The following HUWE1 variants were observed in gnomAD, a reference collection of about 807,000 sequenced individuals.
HUWE1 encodes E3 ubiquitin-protein ligase HUWE1.
A neutral mutation model predicts 299.4 loss-of-function variants in HUWE1; 18 were observed. The observed-to-expected ratio is 0.06, with a 90% confidence interval of 0.04 to 0.09. HUWE1 has a LOEUF of 0.09. Among genes scored for constraint, HUWE1 ranks in the 10% least tolerant of loss-of-function variants. HUWE1 has a pLI of 1.00. For missense variants in HUWE1, 1,832 were observed against 3,462.3 expected (o/e 0.53, Z 11.82); for synonymous variants, 1,317 against 1,286.1 (o/e 1.02, Z -0.51).
At chrX:53,617,191 T>C in intron 20 of HUWE1, 44 bp from the exon 21 acceptor site, 1 of 1,145,045 alleles carries the variant, frequency 8.7e-7, no homozygotes, top group African/African-American at 1.8e-5. Context: ...TAAAAGAGTG[T>C]AGATGCTAGG....
At chrX:53,648,005 T>C (rs2068174766) in intron 5 of HUWE1, among the ~76,000 whole-genome samples, 1 of 112,533 alleles carries the variant, frequency 8.9e-6, no homozygotes, top group Non-Finnish European at 1.9e-5. Context: ...TTCTTAAGCA[T>C]CACCTGTGAA....
intron 79 of HUWE1, 36 bp from the exon 80 acceptor site, chrX:53,536,288 GAGTGGGGGGGA>G (rs2061060459): frequency 8.8e-7 from 1 of 1,141,476 alleles, no homozygotes; most frequent in Non-Finnish European, 1.2e-6. Context: ...CATGGTTTGC[GAGTGGGGGGGA>G]AGAAGGAGCA....
At chrX:53,585,308 A>C (rs1442759190) in intron 39 of HUWE1, 120 bp from the exon 40 acceptor site, 3 of 708,003 alleles carry the variant, frequency 4.2e-6, no homozygotes, top group African/African-American at 4.3e-5. Flanking sequence ...CTGGACAATA[A>C]ATTTTAAAAA....
At chrX:53,577,644 G>GCC (rs1556960451) in intron 43 of HUWE1, among the ~76,000 whole-genome samples, 1 of 112,541 alleles carries the variant, frequency 8.9e-6, no homozygotes, top group Non-Finnish European at 1.9e-5. Context: ...TCAGCCTGCC[G>GCC]AGTGCCTGCG....
At chrX:53,679,944 G>A (rs1371630770) in intron 3 of HUWE1, 105 bp downstream of exon 3, 2 of 291,551 alleles carry the variant, frequency 6.9e-6, no homozygotes, top group African/African-American at 2.8e-5. Context: ...GAGAATGGAA[G>A]AAACCAAAGT....
Position 53,672,264 on chromosome X carries a change from CTTTT to C in HUWE1, c.-25+7781_-25+7784del, listed in dbSNP as rs374683676. 6.8e-3 allele frequency among the ~76,000 whole-genome samples: 657 copies of C among 96,728 alleles called. 7 individuals carry two copies. Among genetic ancestry groups the C allele is most frequent in the Middle Eastern group, 0.021 (4 of 195 alleles). 84.0% of individuals were successfully genotyped at this position (96,728 alleles called of 115,157 possible). A position where few individuals can be genotyped will look rare whatever the true frequency, so the allele number is the denominator to read the frequency against. ...TATTGTGGTTTTGTAGATGTCCTTA[CTTTT>C]TTTTTTTTTTTTGAGACAGAGTCTC... On this transcript the variant is annotated intron_variant, in intron 3 of 83. Coordinates refer to ENST00000262854, the MANE Select transcript of HUWE1 (RefSeq NM_031407.7).
intron 77 of HUWE1, 78 bp from the exon 78 acceptor site, chrX:53,537,774 C>T (rs1466039743): frequency 1.0e-6 from 1 of 963,898 alleles, no homozygotes; most frequent in Non-Finnish European, 1.4e-6. Flanking sequence ...GAAGAAGACC[C>T]ACAATGATGC....
chrX:53,638,025 C>G (rs2067327371), intron 7 of HUWE1, among the ~76,000 whole-genome samples: 1 of 111,376 alleles, frequency 9.0e-6, no homozygotes, highest in African/African-American at 3.3e-5. Context: ...ACTAAGTAAG[C>G]TTGTTTTTAT....
chrX:53,616,932 A>G (rs1189595945), intron 21 of HUWE1, 38 bp downstream of exon 21: 3 of 1,133,164 alleles, frequency 2.6e-6, no homozygotes, highest in Admixed American at 2.2e-5. Flanking sequence ...TGCAAACTAA[A>G]TCAATTTTCT....
intron 7 of HUWE1, among the ~76,000 whole-genome samples, chrX:53,643,506 C>A (rs192137699): frequency 9.0e-6 from 1 of 111,087 alleles, no homozygotes; most frequent in East Asian, 2.8e-4. Flanking sequence ...CCCACCACCA[C>A]GTCCAGCTAA....
At chrX:53,663,219 C>A (rs1557046239) in intron 3 of HUWE1, among the ~76,000 whole-genome samples, 1 of 112,154 alleles carries the variant, frequency 8.9e-6, no homozygotes, top group Admixed American at 9.4e-5. Context: ...AAAACCTCTT[C>A]TGAAAATGTT....
At chrX:53,662,303 C>T (rs1557045897) in intron 3 of HUWE1, among the ~76,000 whole-genome samples, 1 of 111,956 alleles carries the variant, frequency 8.9e-6, no homozygotes, top group African/African-American at 3.3e-5. Flanking sequence ...TAACCGCAGA[C>T]AAATCCACCT....
chrX:53,630,921 T>A lies in HUWE1; in HGVS notation c.862+14A>T. On this transcript the variant is annotated intron_variant, in intron 12 of 83. Transcript: ENST00000262854. Reference sequence around the variant, plus strand: ...GTCTAATACGGCCTGGTAATTAAAGTATTCTTCTCTTACCTAATATAGATA... The same window carrying A: ...GTCTAATACGGCCTGGTAATTAAAGAATTCTTCTCTTACCTAATATAGATA... 1 of 982,789 alleles carries A rather than the reference T, an allele frequency of 1.0e-6. No individual in the cohort carries two copies. Among genetic ancestry groups the A allele is most frequent in the South Asian group, 1.9e-5 (1 of 52,285 alleles). 81.0% of individuals were successfully genotyped at this position (982,789 alleles called of 1,213,427 possible). A position where few individuals can be genotyped will look rare whatever the true frequency, so the allele number is the denominator to read the frequency against.
intron 52 of HUWE1, among the ~76,000 whole-genome samples, 173 bp downstream of exon 52, chrX:53,563,573 G>C (rs1294569740): frequency 9.0e-6 from 1 of 111,581 alleles, no homozygotes; most frequent in East Asian, 2.8e-4. Context: ...CCACAGGCCT[G>C]TAGACGTCTT....
Position 53,537,672 on chromosome X carries a change from A to C in HUWE1, c.12021T>G (p.Arg4007=). Residue 4007 remains arginine, a synonymous_variant, in exon 78 of 84, where the codon CGT becomes CGG. Coordinates refer to ENST00000262854, the MANE Select transcript of HUWE1 (RefSeq NM_031407.7). ...CTTCTTTCCGGAGCCCCTCATCTAA[A>C]CGCTCCAGCTCTTGGCGGAAATATC... The part of the protein sequence containing the change: ...KRKYFRQELE[R]LDEGLRKEDM... The C allele has an allele frequency of 8.3e-7, 1 of 1,209,128 alleles. No individual in the cohort carries two copies. The highest frequency in any genetic ancestry group is 1.1e-6 in the Non-Finnish European group (1 of 894,011).
chrX:53,566,109 A>ATG (rs1436785088), intron 49 of HUWE1, among the ~76,000 whole-genome samples: 32 of 45,177 alleles, frequency 7.1e-4, no homozygotes, highest in Middle Eastern at 9.9e-3. Flanking sequence ...GTATGTATGT[A>ATG]TGTATGTATG....
chrX:53,657,893 C>CA (rs1342326134), intron 3 of HUWE1, among the ~76,000 whole-genome samples: 1 of 107,608 alleles, frequency 9.3e-6, no homozygotes, highest in Non-Finnish European at 1.9e-5. Context: ...ACTAAAAACA[C>CA]AAAAAATTAG....
Position 53,547,806 on chromosome X carries a change from C to T in HUWE1, c.10503G>A (p.Thr3501=), listed in dbSNP as rs781916502. The T allele has an allele frequency of 3.4e-5, 41 of 1,196,077 alleles. No homozygotes were observed. The highest frequency in any genetic ancestry group is 1.4e-4 in the Admixed American group (6 of 43,927). The change falls in exon 68 of 84, where the codon ACG becomes ACA. Residue 3501 remains threonine, a synonymous_variant. Coordinates refer to ENST00000262854, the MANE Select transcript of HUWE1 (RefSeq NM_031407.7). The stretch of plus-strand genomic sequence containing the variant: ...GGGTGGGTGCAGTAGGGGGTGTGGG[C>T]GTGGTGGAGGCGGCAGTGGTGGTGG... ...STTTTTAAST[T]PTPPTAPTPV... is the part of the protein sequence containing the mutation.
intron 51 of HUWE1, 35 bp from the exon 52 acceptor site, chrX:53,563,856 C>T: frequency 2.5e-6 from 3 of 1,183,466 alleles, no homozygotes; most frequent in Non-Finnish European, 3.4e-6. Context: ...TGGATGCACA[C>T]AAGTCTATCA....
Sources: gnomAD v4.1 joint callset for allele counts (sites outside exome capture counted in the v4.1 genomes callset) on GRCh38, gnomAD v4.1.1 for gene constraint, MANE v1.5 for transcripts, NCBI Gene and HGNC (gene_info 2026-07-23, HGNC 2026-07-21) for gene names.